Variants in GABRB1 observed in about 807,000 individuals in gnomAD.
GABRB1 encodes the protein gamma-aminobutyric acid type A receptor subunit beta1.
A neutral mutation model predicts 51.6 loss-of-function variants in GABRB1; 17 were observed. The ratio of observed to expected loss-of-function variants is 0.33; its 90% CI spans 0.23 to 0.49. The LOEUF is 0.49. GABRB1 is among the 20% of genes least tolerant of loss of function. The pLI, the probability that GABRB1 is intolerant of heterozygous loss-of-function variation, is 0.99. For synonymous variants in GABRB1, 247 were observed against 218.9 expected, an observed-to-expected ratio of 1.13 and a Z score of -1.14; for missense variants, 410 against 600.6, an observed-to-expected ratio of 0.68 and a Z score of 3.32.
At chr4:47,045,745 C>T (rs138203474) in intron 3 of GABRB1, among the ~76,000 whole-genome samples, 17 of 152,130 alleles carry the variant, frequency 1.1e-4, no homozygotes, top group African/African-American at 4.1e-4. Flanking sequence ...ACCTAATAAC[C>T]TCCCAAAGAC....
chr4:47,359,812 A>G (rs950325852), intron 5 of GABRB1, among the ~76,000 whole-genome samples: 1 of 152,118 alleles, frequency 6.6e-6, no homozygotes, highest in Non-Finnish European at 1.5e-5. Context: ...TTCCATTTAA[A>G]GAAAAACTGA....
intron 4 of GABRB1, among the ~76,000 whole-genome samples, chr4:47,201,455 T>A (rs1238451810): frequency 6.6e-6 from 1 of 152,182 alleles, no homozygotes; most frequent in Non-Finnish European, 1.5e-5. Flanking sequence ...CTTTTTATTC[T>A]ATAACCAGTG....
At chr4:47,231,608 G>A (rs1195372269) in intron 4 of GABRB1, among the ~76,000 whole-genome samples, 3 of 152,042 alleles carry the variant, frequency 2.0e-5, no homozygotes, top group African/African-American at 7.2e-5. Context: ...CATTTTTTCT[G>A]GATAATGTAA....
intron 3 of GABRB1, among the ~76,000 whole-genome samples, chr4:47,152,267 GCCCCA>G (rs1717494154): frequency 6.6e-6 from 1 of 151,916 alleles, no homozygotes; most frequent in African/African-American, 2.4e-5. Context: ...GATCTTGAGT[GCCCCA>G]AACACATGAC....
Position 47,001,385 on chromosome 4 carries a change from T to TG in GABRB1, c.-20+7459_-20+7460insG, listed in dbSNP as rs1294021083. On this transcript the variant is annotated intron_variant, in intron 1 of 3. Transcript: ENST00000513567. ...TCTGAATCTCCTGACCTCGTGATTC[T>TG]CCCGCCTTGGCCTCCCAAAGTGCTG... Among the ~76,000 whole-genome samples the TG allele has an allele frequency of 7.5e-3, 1,139 of 151,994 alleles. 18 individuals are homozygous for TG. The highest frequency in any genetic ancestry group is 0.025 in the African/African-American group (1,039 of 41,292).
chr4:47,326,388 T>A (rs183227256), intron 5 of GABRB1, among the ~76,000 whole-genome samples: 5 of 152,318 alleles, frequency 3.3e-5, no homozygotes, highest in East Asian at 3.9e-4. Flanking sequence ...TACAATAAGA[T>A]ATTTTGAGTG....
At chr4:47,219,454 C>T (rs1473263278) in intron 4 of GABRB1, among the ~76,000 whole-genome samples, 1 of 151,932 alleles carries the variant, frequency 6.6e-6, no homozygotes, top group South Asian at 2.1e-4. Flanking sequence ...ATTTTGTATT[C>T]TTCTAACCTG....
intron 1 of GABRB1, among the ~76,000 whole-genome samples, chr4:47,003,971 A>G (rs887621596): frequency 1.3e-5 from 2 of 152,082 alleles, no homozygotes; most frequent in African/African-American, 4.8e-5. Context: ...TATATTTAAA[A>G]CGTTCTTTTG....
At chr4:47,377,738 C>T (rs1727439557) in intron 5 of GABRB1, among the ~76,000 whole-genome samples, 1 of 151,968 alleles carries the variant, frequency 6.6e-6, no homozygotes, top group South Asian at 2.1e-4. Flanking sequence ...TTCTCCAAGT[C>T]CCCACCAGAT....
intron 3 of GABRB1, among the ~76,000 whole-genome samples, chr4:47,054,479 G>A (rs1280135612): frequency 1.3e-5 from 2 of 152,300 alleles, no homozygotes; most frequent in African/African-American, 4.8e-5. Flanking sequence ...TTGGACTGAA[G>A]GACTGCGATG....
At chr4:47,055,024 T>G (rs1416037026) in intron 3 of GABRB1, among the ~76,000 whole-genome samples, 3 of 152,234 alleles carry the variant, frequency 2.0e-5, no homozygotes, top group Non-Finnish European at 4.4e-5. Flanking sequence ...GAACCTGAAC[T>G]GTTACATTGG....
intron 5 of GABRB1, among the ~76,000 whole-genome samples, chr4:47,379,523 G>A (rs1473212083): frequency 6.6e-6 from 1 of 152,108 alleles, no homozygotes; most frequent in Non-Finnish European, 1.5e-5. Context: ...TGGTAGGTTA[G>A]GTGTATTAAG....
At chr4:47,417,896 C>T (rs1266631258) in intron 8 of GABRB1, among the ~76,000 whole-genome samples, 1 of 152,168 alleles carries the variant, frequency 6.6e-6, no homozygotes, top group African/African-American at 2.4e-5. Context: ...TTCAGCTATA[C>T]TTATATATTG....
chr4:47,351,152 G>C (rs73249624), intron 5 of GABRB1, among the ~76,000 whole-genome samples: 9 of 152,250 alleles, frequency 5.9e-5, no homozygotes, highest in Admixed American at 5.2e-4. Flanking sequence ...GATTAGACAC[G>C]ATTAGGGTGA....
intron 3 of GABRB1, among the ~76,000 whole-genome samples, chr4:47,148,701 T>A (rs1717287135): frequency 6.6e-6 from 1 of 151,594 alleles, no homozygotes; most frequent in Non-Finnish European, 1.5e-5. Context: ...TTTGAAAAGT[T>A]GTCCAGGGCA....
At chr4:47,312,735 C>T (rs1183787199) in intron 4 of GABRB1, among the ~76,000 whole-genome samples, 1 of 152,174 alleles carries the variant, frequency 6.6e-6, no homozygotes, top group African/African-American at 2.4e-5. Flanking sequence ...CTTGGGAGTT[C>T]TTCCTGATAA....
chr4:47,220,377 A>G (rs142486625), intron 4 of GABRB1, among the ~76,000 whole-genome samples: 1 of 151,974 alleles, frequency 6.6e-6, no homozygotes, highest in Non-Finnish European at 1.5e-5. Context: ...TCCCTGTTCC[A>G]TGAAGGCAGT....
At chr4:47,347,804 C>G (rs1726156776) in intron 5 of GABRB1, among the ~76,000 whole-genome samples, 1 of 152,060 alleles carries the variant, frequency 6.6e-6, no homozygotes, top group South Asian at 2.1e-4. Context: ...ATCAAGGTGA[C>G]TGTGATAATA....
intron 5 of GABRB1, among the ~76,000 whole-genome samples, chr4:47,374,420 T>C (rs187775107): frequency 2.6e-5 from 4 of 152,246 alleles, no homozygotes; most frequent in Non-Finnish European, 5.9e-5. Context: ...TAAATAATTC[T>C]GCAAGCTGAC....
Sources: allele counts gnomAD v4.1 joint callset (sites outside exome capture counted in the v4.1 genomes callset), GRCh38; gene constraint gnomAD v4.1.1; transcripts MANE v1.5; gene names NCBI Gene and HGNC (gene_info 2026-07-23, HGNC 2026-07-21).